The following RSPO2 variants were observed in gnomAD, a reference collection of about 807,000 sequenced individuals.
The protein encoded by RSPO2 is R-spondin 2, also known as R-spondin-2.
Under a neutral mutation model 30.9 loss-of-function variants are expected in RSPO2, and 14 were observed. The ratio of observed to expected loss-of-function variants is 0.45; its 90% CI spans 0.30 to 0.71. The LOEUF is 0.71. RSPO2 is among the 30% of genes least tolerant of loss of function. The pLI is 0.08. For missense variants in RSPO2, 264 were observed against 301.9 expected (o/e 0.87, Z 0.93); for synonymous variants, 107 against 96.4 (o/e 1.11, Z -0.64).
chr8:108,000,161 G>A (rs1437060251), intron 2 of RSPO2, among the ~76,000 whole-genome samples: 2 of 152,112 alleles, frequency 1.3e-5, no homozygotes, highest in African/African-American at 4.8e-5. Context: ...TTCTGCTTGA[G>A]GGCACAATGG....
At position 108,010,408 on chromosome 8, in the gene RSPO2, C is replaced by T. The variant is rs538657919; in HGVS notation, c.95-21164G>A. ...CAGCATCCAGGGGTGCTCCTTCATC[C>T]CAGACACTTATGTGAGCAGGACGCG... On this transcript the variant is annotated intron_variant, in intron 2 of 5. Transcript: ENST00000276659. Among the ~76,000 whole-genome samples the T allele has an allele frequency of 2.0e-5, 3 of 152,316 alleles. No individual in the cohort carries two copies. In the East Asian group the frequency reaches 5.8e-4, roughly 29 times the overall value.
chr8:107,929,304 G>C (rs1367341417), intron 5 of RSPO2, among the ~76,000 whole-genome samples: 1 of 152,188 alleles, frequency 6.6e-6, no homozygotes, highest in South Asian at 2.1e-4. Context: ...ACACCCAAAG[G>C]AAAACAAATG....
rs540725789 is a variant in RSPO2, at chr8:107,969,882, C to T, written c.284-9065G>A. On this transcript the variant is annotated intron_variant, in intron 3 of 5. Transcript: ENST00000276659. ...GGTAACTTGTCACCCTTTTATATTACAGTAGAAGTAGAGCGGTTTAATCAG... is the reference window on the plus strand; with the variant it reads ...GGTAACTTGTCACCCTTTTATATTATAGTAGAAGTAGAGCGGTTTAATCAG... Among the ~76,000 whole-genome samples the T allele has an allele frequency of 9.9e-5, 15 of 152,182 alleles. No homozygotes were observed. The South Asian group carries it at 1.2e-3, about 13-fold the overall frequency.
At chr8:107,941,602 A>G (rs1195969296) in intron 5 of RSPO2, among the ~76,000 whole-genome samples, 1 of 152,206 alleles carries the variant, frequency 6.6e-6, no homozygotes, top group Non-Finnish European at 1.5e-5. Flanking sequence ...TATAAAATAA[A>G]ATGAAATTTG....
intron 2 of RSPO2, 81 bp downstream of exon 2, chr8:108,082,464 C>G (rs1813235191): frequency 9.3e-7 from 1 of 1,077,772 alleles, no homozygotes; most frequent in African/African-American, 1.5e-5. Context: ...CCATCTGAGC[C>G]CCCGGAGCCA....
At chr8:107,987,618 T>C (rs1178526084) in intron 3 of RSPO2, among the ~76,000 whole-genome samples, 4 of 152,194 alleles carry the variant, frequency 2.6e-5, no homozygotes, top group Admixed American at 6.5e-5. Context: ...TGTCCAGCAA[T>C]GTAGGACAGG....
intron 2 of RSPO2, among the ~76,000 whole-genome samples, chr8:108,022,793 C>T (rs1014053396): frequency 2.6e-5 from 4 of 151,844 alleles, no homozygotes; most frequent in African/African-American, 4.8e-5. Context: ...GGCGTGGTGG[C>T]GCATGCCTGT....
chr8:107,951,658 G>T (rs1813252856), intron 5 of RSPO2, among the ~76,000 whole-genome samples: 1 of 152,030 alleles, frequency 6.6e-6, no homozygotes, highest in Admixed American at 6.6e-5. Flanking sequence ...ATTGAAATGG[G>T]GCTGGCAGAG....
intron 2 of RSPO2, among the ~76,000 whole-genome samples, chr8:108,063,643 C>T (rs1455915717): frequency 2.0e-5 from 3 of 151,810 alleles, no homozygotes; most frequent in Non-Finnish European, 4.4e-5. Flanking sequence ...TCCCATCAAG[C>T]TACCAATGAC....
chr8:108,039,920 C>A (rs182160131), intron 2 of RSPO2, among the ~76,000 whole-genome samples: 3 of 152,206 alleles, frequency 2.0e-5, no homozygotes, highest in African/African-American at 7.2e-5. Context: ...GGTCTTTCTG[C>A]CATGTGAGGA....
Position 107,973,908 on chromosome 8 carries a change from G to A in RSPO2, c.284-13091C>T, listed in dbSNP as rs533518953. On this transcript the variant is annotated intron_variant, in intron 3 of 5. Transcript: ENST00000276659. ...ACTTGTGTTTTCCTTTCCTAAATGC[G>A]TCCTCAATCTTGGCAAAATAAACCT... 8.5e-5 allele frequency among the ~76,000 whole-genome samples: 13 copies of A among 152,090 alleles called. No individual in the cohort carries two copies. The South Asian group carries it at 1.0e-3, about 12-fold the overall frequency.
chr8:108,071,813 C>T (rs1812855160), intron 2 of RSPO2, among the ~76,000 whole-genome samples: 1 of 152,202 alleles, frequency 6.6e-6, no homozygotes, highest in African/African-American at 2.4e-5. Flanking sequence ...TTCTTGTAGA[C>T]GTTCTTCCAC....
chr8:107,992,129 C>A (rs1455509997), intron 2 of RSPO2, among the ~76,000 whole-genome samples: 1 of 150,142 alleles, frequency 6.7e-6, no homozygotes, highest in East Asian at 1.9e-4. Context: ...GACATGGAAT[C>A]AACTTAGGTA....
At chr8:108,023,472 A>G (rs926271079) in intron 2 of RSPO2, among the ~76,000 whole-genome samples, 11 of 152,298 alleles carry the variant, frequency 7.2e-5, no homozygotes, top group African/African-American at 2.6e-4. Context: ...ATGGCATCTG[A>G]ACTAAAATGA....
chr8:107,909,849 G>A (rs180897637), intron 5 of RSPO2, among the ~76,000 whole-genome samples: 2 of 152,252 alleles, frequency 1.3e-5, no homozygotes, highest in East Asian at 3.9e-4. Flanking sequence ...GTGAGATGGT[G>A]AACACTCCTA....
At chr8:107,978,202 C>CATTTG (rs1814282303) in intron 3 of RSPO2, among the ~76,000 whole-genome samples, 1 of 152,022 alleles carries the variant, frequency 6.6e-6, no homozygotes, top group South Asian at 2.1e-4. Context: ...CCGAGGCGGG[C>CATTTG]AGATCACCCC....
intron 5 of RSPO2, among the ~76,000 whole-genome samples, chr8:107,930,939 C>T (rs536300919): frequency 1.4e-4 from 22 of 152,260 alleles, no homozygotes; most frequent in Non-Finnish European, 2.2e-4. Flanking sequence ...TTTTATAATC[C>T]AATTTGCTTC....
At position 107,904,716 on chromosome 8, in the gene RSPO2, C is replaced by A. The variant is rs1400363885; in HGVS notation, c.617-3526G>T. ...AAGGCATATGCCTGACTCTTAGTCT[C>A]TATGTTTATAGAATGAAAATACTAC... On this transcript the variant is annotated intron_variant, in intron 5 of 5. Transcript: ENST00000276659. Among the ~76,000 whole-genome samples, 5 of 151,972 alleles carry A rather than the reference C, an allele frequency of 3.3e-5. No homozygotes were observed. The East Asian group carries it at 9.6e-4, about 29-fold the overall frequency.
chr8:107,972,446 C>A (rs536707760), intron 3 of RSPO2, among the ~76,000 whole-genome samples: 1 of 152,032 alleles, frequency 6.6e-6, no homozygotes, highest in South Asian at 2.1e-4. Context: ...GTGCCCAGCC[C>A]ATTTTGTATA....
Sources: gnomAD v4.1 joint callset for allele counts (sites outside exome capture counted in the v4.1 genomes callset) on GRCh38, gnomAD v4.1.1 for gene constraint, MANE v1.5 for transcripts, NCBI Gene and HGNC (gene_info 2026-07-23, HGNC 2026-07-21) for gene names.